The following KPNB1 variants were observed in gnomAD, a reference collection of about 807,000 sequenced individuals.
KPNB1 encodes the protein karyopherin subunit beta 1, also known as importin subunit beta-1.
KPNB1 carries 7 observed loss-of-function variants against 113.0 expected under a neutral mutation model. The observed-to-expected ratio is 0.06, with a 90% CI of 0.04 to 0.12. The LOEUF is 0.12. KPNB1 is among the 10% of genes least tolerant of loss of function. The pLI, the probability that KPNB1 is intolerant of heterozygous loss-of-function variation, is 1.00. For missense variants in KPNB1, 400 were observed against 1,054.8 expected (o/e 0.38, Z 8.60); for synonymous variants, 363 against 378.6 (o/e 0.96, Z 0.48).
At position 47,650,375 on chromosome 17, in the gene KPNB1, C is replaced by A. The variant is rs747102732; in HGVS notation, c.41-11C>A. 28 of 1,611,658 alleles carry A rather than the reference C, an allele frequency of 1.7e-5. No homozygotes were observed. Among genetic ancestry groups the A allele is most frequent in the African/African-American group, 2.7e-5 (2 of 74,756 alleles). ...CTGACCCCGCTCCGTCTCCCACTTTCCTCCCCCTAGATCGGCTGGAGCTGG... is the reference window on the plus strand; with the variant it reads ...CTGACCCCGCTCCGTCTCCCACTTTACTCCCCCTAGATCGGCTGGAGCTGG... On this transcript the variant is annotated splice_polypyrimidine_tract_variant and intron_variant, in intron 1 of 21. Transcript: ENST00000290158.
intron 19 of KPNB1, among the ~76,000 whole-genome samples, chr17:47,678,818 G>A (rs1470555582): frequency 6.6e-6 from 1 of 152,212 alleles, no homozygotes; most frequent in Admixed American, 6.5e-5. Flanking sequence ...TTGTTGGTCA[G>A]GCTGGTCTTG....
chr17:47,677,472 C>CAAAAA (rs746941632), intron 17 of KPNB1, among the ~76,000 whole-genome samples: 5 of 53,250 alleles, frequency 9.4e-5, no homozygotes, highest in African/African-American at 1.4e-4. Flanking sequence ...AACTCCGTCT[C>CAAAAA]AAAAAAAAAA....
chr17:47,674,887 G>A (rs762053567), intron 15 of KPNB1, 105 bp downstream of exon 15: 27 of 1,162,812 alleles, frequency 2.3e-5, no homozygotes, highest in Middle Eastern at 3.0e-4. Context: ...CACGATCTTG[G>A]CGCACTGCAG....
chr17:47,673,190 T>C (rs1475379624), intron 13 of KPNB1, 25 bp downstream of exon 13: 1 of 1,612,026 alleles, frequency 6.2e-7, no homozygotes, highest in African/African-American at 1.3e-5. Flanking sequence ...TGCCCCTGAC[T>C]ATGGGTGGGA....
chr17:47,652,129 T>C (rs138811833), intron 2 of KPNB1, among the ~76,000 whole-genome samples: 6 of 152,210 alleles, frequency 3.9e-5, no homozygotes, highest in African/African-American at 1.4e-4. Context: ...GTTTTAGGCT[T>C]ATCTGTATTT....
chr17:47,682,479 G>A lies in KPNB1; in HGVS notation c.*75G>A, dbSNP rs2030813834. ...ATCTTTTGAAAAACCTGGAAGTGAGGAGTGTGCACGGATGCTGAATGTTTG... is the reference window on the plus strand; with the variant it reads ...ATCTTTTGAAAAACCTGGAAGTGAGAAGTGTGCACGGATGCTGAATGTTTG... On this transcript the variant is annotated 3_prime_UTR_variant, in exon 22 of 22. Coordinates refer to ENST00000290158, the MANE Select transcript of KPNB1 (RefSeq NM_002265.6). 9.0e-6 allele frequency: 7 copies of A among 778,334 alleles called. No homozygotes were observed. Among genetic ancestry groups the A allele is most frequent in the Non-Finnish European group, 1.4e-5 (6 of 417,610 alleles). The allele number at this position is 778,334 out of a possible 1,614,324, so 48.2% of individuals were successfully genotyped here. A position where few individuals can be genotyped will look rare whatever the true frequency, so the allele number is the denominator to read the frequency against.
chr17:47,652,933 C>G, intron 3 of KPNB1, 57 bp downstream of exon 3: 5 of 1,371,592 alleles, frequency 3.6e-6, no homozygotes, highest in Non-Finnish European at 4.9e-6. Context: ...ATCGCTTTCT[C>G]AGATCTTTTG....
At chr17:47,667,249 C>T (rs1465466080) in intron 9 of KPNB1, among the ~76,000 whole-genome samples, 4 of 152,106 alleles carry the variant, frequency 2.6e-5, no homozygotes, top group African/African-American at 7.2e-5. Context: ...CCTCAGCCTC[C>T]CGAGTAGCTG....
Position 47,664,264 on chromosome 17 carries a change from T to A in KPNB1, c.892T>A (p.Ser298Thr). ...DEEMDLAIEA[S>T]EAAEQGRPPE... ...GGAAATGGATTTGGCCATTGAAGCT[T>A]CAGAGGTGAGCTGGGGAGAACTATT... Residue 298 changes from serine to threonine, a missense_variant, in exon 8 of 22, where the codon TCA becomes ACA. Physicochemically the swap from Ser to Thr is moderately conservative, Grantham distance 58. Around this residue, in one of 2 missense-constraint regions of KPNB1, gnomAD observed 285 missense variants for 627.0 expected, o/e 0.45. Transcript: ENST00000290158. 1 of 1,597,918 alleles carries A rather than the reference T, an allele frequency of 6.3e-7. No individual in the cohort carries two copies. Among genetic ancestry groups the A allele is most frequent in the Non-Finnish European group, 8.6e-7 (1 of 1,165,284 alleles).
At chr17:47,664,381 A>G in intron 8 of KPNB1, 112 bp downstream of exon 8, 1 of 693,780 alleles carries the variant, frequency 1.4e-6, no homozygotes, top group East Asian at 2.8e-5. Context: ...GGGTATCTCC[A>G]TTGGCAGAGA....
chr17:47,649,985 C>T lies in KPNB1; in HGVS notation c.-260C>T. 7.6e-7 allele frequency: 1 copy of T among 1,323,760 alleles called. No individual in the cohort carries two copies. The highest frequency in any genetic ancestry group is 2.1e-5 in the South Asian group (1 of 47,548). The allele number at this position is 1,323,760 out of a possible 1,614,324, so 82.0% of individuals were successfully genotyped here. On this transcript the variant is annotated 5_prime_UTR_variant, in exon 1 of 22. Transcript: ENST00000290158. ...TCTTTCTCCCTCCGCCTCCCGAGCA[C>T]CAGCGCGCTCTGAGCTGCCCCCAGG...
In KPNB1 at chr17:47,669,669, T is replaced by C. The variant is rs1341886307; in HGVS notation, c.1225-9T>C. The C allele has an allele frequency of 3.8e-6, 6 of 1,576,534 alleles. No homozygotes were observed. Among genetic ancestry groups the C allele is most frequent in the African/African-American group, 2.7e-5 (2 of 74,344 alleles). ...TGTTTTGCTTTGCTAATAACTGTTA[T>C]ATTTTCAGGCTATGCCCACCCTAAT... On this transcript the variant is annotated splice_polypyrimidine_tract_variant and intron_variant, in intron 10 of 21. Coordinates refer to ENST00000290158, the MANE Select transcript of KPNB1 (RefSeq NM_002265.6).
At chr17:47,655,954 T>C (rs891020847) in intron 3 of KPNB1, among the ~76,000 whole-genome samples, 3 of 152,170 alleles carry the variant, frequency 2.0e-5, no homozygotes, top group African/African-American at 4.8e-5. Context: ...TTCTCCGTAT[T>C]ATAGATAAGA....
At chr17:47,677,333 G>A (rs756262850) in intron 17 of KPNB1, among the ~76,000 whole-genome samples, 2 of 151,898 alleles carry the variant, frequency 1.3e-5, no homozygotes, top group African/African-American at 4.8e-5. Flanking sequence ...TTAGCCGGGC[G>A]TGATGGCAGG....
chr17:47,663,942 G>T (rs1247713205), intron 7 of KPNB1, among the ~76,000 whole-genome samples: 2 of 150,882 alleles, frequency 1.3e-5, no homozygotes, highest in Admixed American at 1.3e-4. Context: ...CTGAGATTGT[G>T]CTGCTGTACT....
intron 15 of KPNB1, among the ~76,000 whole-genome samples, chr17:47,675,360 T>TG (rs1567894251): frequency 2.5e-5 from 3 of 120,666 alleles, no homozygotes; most frequent in South Asian, 2.6e-4. Flanking sequence ...GCAGAGGTGT[T>TG]GTTTTTTTTT....
intron 19 of KPNB1, among the ~76,000 whole-genome samples, chr17:47,678,879 A>G: frequency 6.6e-6 from 1 of 152,114 alleles, no homozygotes; most frequent in Non-Finnish European, 1.5e-5. Context: ...AAGTGCTGGG[A>G]TTACAGGCTT....
At chr17:47,677,213 G>A in intron 17 of KPNB1, 86 bp downstream of exon 17, 1 of 1,091,374 alleles carries the variant, frequency 9.2e-7, no homozygotes, top group South Asian at 1.4e-5. Flanking sequence ...ACCAGGCTGG[G>A]CGCAGTGGCC....
In KPNB1 at chr17:47,657,168, A is replaced by T. The variant is rs1030626351; in HGVS notation, c.483+108A>T. The T allele has an allele frequency of 1.1e-5, 10 of 929,112 alleles. No homozygotes were observed. In the African/African-American group the frequency reaches 1.3e-4, roughly 12 times the overall value. The allele number at this position is 929,112 out of a possible 1,614,324, so 57.6% of individuals were successfully genotyped here. On this transcript the variant is annotated intron_variant, in intron 4 of 21. Coordinates refer to ENST00000290158, the MANE Select transcript of KPNB1 (RefSeq NM_002265.6). ...TGAATCACGAAGAAAGCCAAGCTAAATTGCACAGTTTTGAAAGTGAGACTG... is the reference window on the plus strand; with the variant it reads ...TGAATCACGAAGAAAGCCAAGCTAATTTGCACAGTTTTGAAAGTGAGACTG...
Sources: allele counts gnomAD v4.1 joint callset (sites outside exome capture counted in the v4.1 genomes callset), GRCh38; gene constraint gnomAD v4.1.1; regional missense constraint gnomAD v4.1.1; transcripts MANE v1.5; gene names NCBI Gene and HGNC (gene_info 2026-07-23, HGNC 2026-07-21).